MDN1: variants seen among roughly 807,000 people sequenced by gnomAD.
The protein encoded by MDN1 is midasin.
In MDN1, 266 loss-of-function variants were observed where a neutral mutation model predicts 669.2. The observed-to-expected ratio is 0.40, with a 90% CI of 0.36 to 0.44. The LOEUF (loss-of-function observed/expected upper bound fraction) is 0.44. MDN1 is among the 20% of genes least tolerant of loss of function. The pLI is 1.00. For synonymous variants in MDN1, 2,385 were observed against 2,457.1 expected (o/e 0.97, Z 0.87); for missense variants, 5,940 against 6,754.0 (o/e 0.88, Z 4.22).
At chr6:89,726,482 G>GAAAAAAAAAAAAAAAAAAGAAAAAGA (rs201576721) in intron 37 of MDN1, among the ~76,000 whole-genome samples, 1 of 90,954 alleles carries the variant, frequency 1.1e-5, no homozygotes, top group Non-Finnish European at 2.3e-5. Context: ...AAGAAAAATA[G>GAAAAAAAAAAAAAAAAAAGAAAAAGA]AAAAAAAAAA....
At chr6:89,663,006 C>A in intron 85 of MDN1, 39 bp from the exon 86 acceptor site, 2 of 1,611,378 alleles carry the variant, frequency 1.2e-6, no homozygotes, top group Non-Finnish European at 1.7e-6. Flanking sequence ...GATCTCCAAA[C>A]TGACCCAGTC....
At position 89,702,080 on chromosome 6, in the gene MDN1, A is replaced by C. The variant is rs1430499722; in HGVS notation, c.8149-19T>G. 6.4e-7 allele frequency: 1 copy of C among 1,569,380 alleles called. No individual in the cohort carries two copies. Among genetic ancestry groups the C allele is most frequent in the South Asian group, 1.2e-5 (1 of 84,434 alleles). ...CTAAGATCTAAAAACAAAGTCTCTT[A>C]GATAAGATGGCATGAAGAAAGACTA... On this transcript the variant is annotated intron_variant, in intron 53 of 101. Coordinates refer to ENST00000369393, the MANE Select transcript of MDN1 (RefSeq NM_014611.3).
At chr6:89,707,672 G>C (rs549923114) in intron 51 of MDN1, among the ~76,000 whole-genome samples, 196 bp from the exon 52 acceptor site, 2 of 152,296 alleles carry the variant, frequency 1.3e-5, no homozygotes, top group South Asian at 4.1e-4. Flanking sequence ...TCGATGGATG[G>C]AGAAAGCTGG....
intron 65 of MDN1, 67 bp from the exon 66 acceptor site, chr6:89,688,875 A>T (rs1466836575): frequency 7.3e-7 from 1 of 1,362,716 alleles, no homozygotes; most frequent in African/African-American, 1.4e-5. Flanking sequence ...TGTCAAAAAG[A>T]TGTCAGCAAC....
chr6:89,708,585 A>C lies in MDN1; in HGVS notation c.7809T>G (p.Ala2603=), dbSNP rs1813676141. ...IPLDPRWNMQ[A]LDMIRNLMDF... is the part of the protein sequence containing the mutation. ...CCATCAAATTTCTAATCATGTCCAG[A>C]GCCTGCATATTCCATCGGGGATCCA... Residue 2603 remains alanine (A), a synonymous_variant, in exon 51 of 102, where the codon GCT becomes GCG. Coordinates refer to ENST00000369393, the MANE Select transcript of MDN1 (RefSeq NM_014611.3). The C allele has an allele frequency of 3.7e-6, 6 of 1,613,974 alleles. No individual in the cohort carries two copies. Among genetic ancestry groups the C allele is most frequent in the African/African-American group, 1.3e-5 (1 of 74,926 alleles).
intron 18 of MDN1, 127 bp from the exon 19 acceptor site, chr6:89,758,478 A>C: frequency 5.3e-6 from 4 of 751,934 alleles, no homozygotes. Context: ...CCACTGAAAT[A>C]ACTTTCCAGA....
At chr6:89,674,016 T>A in intron 79 of MDN1, 88 bp downstream of exon 79, 1 of 1,528,662 alleles carries the variant, frequency 6.5e-7, no homozygotes, top group South Asian at 1.3e-5. Flanking sequence ...TGCTTTCTGT[T>A]CACACCCTTC....
chr6:89,673,182 A>G (rs1488655086), intron 80 of MDN1, 54 bp downstream of exon 80: 19 of 1,420,238 alleles, frequency 1.3e-5, no homozygotes, highest in Non-Finnish European at 1.8e-5. Flanking sequence ...TTACATCTAT[A>G]AGACATCATT....
chr6:89,711,793 T>G (rs1230818218), intron 49 of MDN1, among the ~76,000 whole-genome samples: 1 of 152,214 alleles, frequency 6.6e-6, no homozygotes, highest in African/African-American at 2.4e-5. Context: ...CTTTTGAATT[T>G]GTTAGGAAGG....
rs1584103823 is a variant in MDN1, at chr6:89,658,145, G to A, written c.15183+64C>T. 2.8e-5 allele frequency: 44 copies of A among 1,583,118 alleles called. No homozygotes were observed. The East Asian group carries it at 9.6e-4, about 35-fold the overall frequency. On this transcript the variant is annotated intron_variant, in intron 90 of 101. Coordinates refer to ENST00000369393, the MANE Select transcript of MDN1 (RefSeq NM_014611.3). ...CAACTAATGCTACACAGAATGTGAT[G>A]TCGGACAGGGAGAAGAGACCCTACT...
chr6:89,815,328 G>C (rs1366846819), intron 1 of MDN1: 1 of 478,706 alleles, frequency 2.1e-6, no homozygotes, highest in Non-Finnish European at 4.2e-6. Flanking sequence ...TGTCCCAAGA[G>C]CTGGATGAAG....
chr6:89,656,636 A>G, intron 91 of MDN1, 64 bp downstream of exon 91: 1 of 1,141,870 alleles, frequency 8.8e-7, no homozygotes, highest in Non-Finnish European at 1.2e-6. Flanking sequence ...TTAAAGCACT[A>G]CGTTTGGAAC....
chr6:89,663,859 G>A (rs7772419), intron 85 of MDN1, among the ~76,000 whole-genome samples: 17,702 of 151,310 alleles, frequency 0.12, 1,116 homozygotes, highest in South Asian at 0.16. Flanking sequence ...GGAGAATGGC[G>A]TGAACCCGAG....
At chr6:89,740,416 A>G (rs2180140) in intron 31 of MDN1, 38 bp from the exon 32 acceptor site, 482,066 of 1,526,916 alleles carry the variant, frequency 0.32, 81,806 homozygotes, top group East Asian at 0.72. Context: ...AAGGGCTTAT[A>G]CAATCTTTCT....
rs1321692960 is a variant in MDN1 at position 89,750,361 on chromosome 6, A to G, written c.3399T>C (p.Phe1133=). Residue 1133 remains phenylalanine, a synonymous_variant, in exon 24 of 102, where the codon TTT becomes TTC. Transcript: ENST00000369393. ...YTSDSSGKLV[F]KEGVLIDAMR... ...ATGGAATCTTAACCCTACCTTCCTT[A>G]AAGACAAGCTTCCCTGAGGAGTCAG... 1.2e-6 allele frequency: 2 copies of G among 1,607,478 alleles called. No individual in the cohort carries two copies. The highest frequency in any genetic ancestry group is 1.3e-5 in the African/African-American group (1 of 74,824).
At chr6:89,767,436 C>T (rs753254399) in intron 15 of MDN1, among the ~76,000 whole-genome samples, 3 of 152,116 alleles carry the variant, frequency 2.0e-5, no homozygotes, top group Non-Finnish European at 4.4e-5. Flanking sequence ...TATAAAGTAT[C>T]TTTACCCATA....
chr6:89,774,044 C>G (rs1818236896), intron 13 of MDN1, among the ~76,000 whole-genome samples: 1 of 151,992 alleles, frequency 6.6e-6, no homozygotes, highest in South Asian at 2.1e-4. Flanking sequence ...CTAGAGCCTT[C>G]AGAGGGAGGA....
At chr6:89,791,627 T>C (rs1033051100) in intron 5 of MDN1, among the ~76,000 whole-genome samples, 6 of 152,246 alleles carry the variant, frequency 3.9e-5, no homozygotes, top group African/African-American at 1.4e-4. Flanking sequence ...AAAAAGAATA[T>C]TAAAACACAC....
chr6:89,653,923 T>G (rs1040682885), intron 93 of MDN1, among the ~76,000 whole-genome samples: 1 of 152,220 alleles, frequency 6.6e-6, no homozygotes, highest in Non-Finnish European at 1.5e-5. Context: ...CTGATGAGAT[T>G]TTGCCAGAAA....
Sources: gnomAD v4.1 joint callset for allele counts (sites outside exome capture counted in the v4.1 genomes callset) on GRCh38, gnomAD v4.1.1 for gene constraint, MANE v1.5 for transcripts, NCBI Gene and HGNC (gene_info 2026-07-23, HGNC 2026-07-21) for gene names.